RAB27B: variants seen among roughly 807,000 people sequenced by gnomAD.
The protein encoded by RAB27B is ras-related protein Rab-27B.
In RAB27B, 15 loss-of-function variants were observed where a neutral mutation model predicts 24.6. That is an observed-to-expected ratio of 0.61 (90% CI 0.41 to 0.94). The LOEUF (loss-of-function observed/expected upper bound fraction) is 0.94, where lower values mean the gene tolerates loss of function less well. Among genes scored for constraint, RAB27B ranks in the 40% least tolerant of loss-of-function variants. The pLI is 0.00. For synonymous variants in RAB27B, 105 were observed against 92.5 expected, an observed-to-expected ratio of 1.14 and a Z score of -0.78; for missense variants, 261 against 266.8, an observed-to-expected ratio of 0.98 and a Z score of 0.15.
At chr18:54,881,722 G>T (rs1202730582) in intron 3 of RAB27B, among the ~76,000 whole-genome samples, 1 of 152,138 alleles carries the variant, frequency 6.6e-6, no homozygotes, top group Non-Finnish European at 1.5e-5. Flanking sequence ...GTCTCCCCGT[G>T]GGGGAAATGG....
intron 2 of RAB27B, among the ~76,000 whole-genome samples, chr18:54,748,430 C>T: frequency 6.6e-6 from 1 of 152,112 alleles, no homozygotes; most frequent in Non-Finnish European, 1.5e-5. Flanking sequence ...CAACCATTTC[C>T]AAATGAATCA....
intron 2 of RAB27B, among the ~76,000 whole-genome samples, chr18:54,812,270 T>C (rs942164650): frequency 9.7e-5 from 14 of 143,820 alleles, no homozygotes; most frequent in African/African-American, 3.5e-4. Context: ...AGGATTTGAG[T>C]TTCCGGGTTC....
At chr18:54,825,961 G>T (rs941411727), upstream of RAB27B, among the ~76,000 whole-genome samples, 8 of 152,222 alleles carry the variant, frequency 5.3e-5, no homozygotes, top group Non-Finnish European at 1.2e-4. Context: ...CTGCAGGCAT[G>T]CAGTGTATAG....
In RAB27B at chr18:54,855,899, T is replaced by C. The variant is rs137878171; in HGVS notation, c.-19-21668T>C. Among the ~76,000 whole-genome samples the C allele has an allele frequency of 3.1e-3, 465 of 152,318 alleles. 2 individuals carry two copies. The highest frequency in any genetic ancestry group is 0.011 in the African/African-American group (442 of 41,552). ...ACACCCTGAAGTTCTCCAAGACCAG[T>C]CATCTTTATTATACAACCACACTGA... On this transcript the variant is annotated intron_variant, in intron 1 of 5. Coordinates refer to ENST00000262094, the MANE Select transcript of RAB27B (RefSeq NM_004163.4).
At chr18:54,718,971 A>C (rs1311366613) in intron 2 of RAB27B, among the ~76,000 whole-genome samples, 1 of 152,188 alleles carries the variant, frequency 6.6e-6, no homozygotes, top group Non-Finnish European at 1.5e-5. Flanking sequence ...CATTATGCCA[A>C]AATGTAATAG....
intron 3 of RAB27B, chr18:54,879,801 A>G: frequency 4.9e-6 from 1 of 202,446 alleles, no homozygotes; most frequent in East Asian, 1.1e-4. Flanking sequence ...GAGGGAGTTG[A>G]AGAAAGGGTG....
At chr18:54,775,415 A>C (rs141865987) in intron 2 of RAB27B, among the ~76,000 whole-genome samples, 2 of 152,224 alleles carry the variant, frequency 1.3e-5, no homozygotes, top group East Asian at 1.9e-4. Context: ...CATATTGCCA[A>C]GGAAAATGTG....
At chr18:54,743,528 T>C (rs896374237) in intron 2 of RAB27B, among the ~76,000 whole-genome samples, 1 of 152,054 alleles carries the variant, frequency 6.6e-6, no homozygotes, top group East Asian at 1.9e-4. Context: ...TTAGGCAGAG[T>C]CCTGAGATCA....
At chr18:54,744,419 C>A (rs1036870872) in intron 2 of RAB27B, among the ~76,000 whole-genome samples, 13 of 152,186 alleles carry the variant, frequency 8.5e-5, no homozygotes, top group Non-Finnish European at 1.6e-4. Flanking sequence ...CATTAGCAAT[C>A]TAGACCCAAC....
At position 54,888,039 on chromosome 18, in the gene RAB27B, T is replaced by G; in HGVS notation, c.388T>G (p.Leu130Val). 1.2e-6 allele frequency: 2 copies of G among 1,613,118 alleles called. No homozygotes were observed. The highest frequency in any genetic ancestry group is 1.7e-6 in the Non-Finnish European group (2 of 1,179,344). ...NAYCENPDIV[L>V]IGNKADLPDQ... The stretch of plus-strand genomic sequence containing the variant: ...TTATTGTGAAAATCCAGATATAGTA[T>G]TAATTGGCAACAAGGCAGACCTACC... The change falls in exon 5 of 6, where the codon TTA (leucine) becomes GTA (valine). Residue 130 changes from leucine (L) to valine (V), a missense_variant. Coordinates refer to ENST00000262094, the MANE Select transcript of RAB27B (RefSeq NM_004163.4).
intron 2 of RAB27B, among the ~76,000 whole-genome samples, chr18:54,742,797 T>C (rs1187002573): frequency 2.6e-5 from 4 of 152,204 alleles, no homozygotes; most frequent in Non-Finnish European, 4.4e-5. Context: ...TGCATAACAC[T>C]GTGCTTTCCT....
At chr18:54,755,272 C>T (rs1335988525) in intron 2 of RAB27B, among the ~76,000 whole-genome samples, 1 of 152,148 alleles carries the variant, frequency 6.6e-6, no homozygotes, top group Non-Finnish European at 1.5e-5. Flanking sequence ...CACCTGTAGT[C>T]TCAGCTACTT....
At chr18:54,728,888 AAAAAAAAAAAAACCC>A (rs1909631360) in intron 2 of RAB27B, among the ~76,000 whole-genome samples, 1 of 100,540 alleles carries the variant, frequency 9.9e-6, no homozygotes, top group East Asian at 2.6e-4. Context: ...AAAAAAAAAA[AAAAAAAAAAAAACCC>A]AAAAAAAAAA....
At chr18:54,837,869 G>A (rs1481032633) in intron 1 of RAB27B, among the ~76,000 whole-genome samples, 5 of 151,964 alleles carry the variant, frequency 3.3e-5, no homozygotes, top group Middle Eastern at 3.2e-3. Context: ...TTCTGTGGGG[G>A]CAATCACTAA....
intron 2 of RAB27B, among the ~76,000 whole-genome samples, chr18:54,784,649 C>CT (rs145041952): frequency 0.039 from 5,909 of 152,238 alleles, 188 homozygotes; most frequent in Admixed American, 0.081. Context: ...TGATTTTGTT[C>CT]TTTTTTTATG....
At chr18:54,853,677 T>G (rs1911672411) in intron 1 of RAB27B, among the ~76,000 whole-genome samples, 1 of 152,236 alleles carries the variant, frequency 6.6e-6, no homozygotes, top group African/African-American at 2.4e-5. Context: ...CAATCATGCA[T>G]GCTTTACATA....
chr18:54,768,780 G>A (rs1267295609), intron 2 of RAB27B, among the ~76,000 whole-genome samples: 3 of 152,034 alleles, frequency 2.0e-5, no homozygotes, highest in African/African-American at 4.8e-5. Context: ...TGAGTACAAC[G>A]GGGGAAATGA....
Position 54,868,257 on chromosome 18 carries a change from A to G in RAB27B, c.-19-9310A>G, listed in dbSNP as rs572286620. ...TCAGGAACCTTGGCTGTGTCATTTA[A>G]AAGTGTGTGGCACCTCCCCCCTCAC... is the stretch of plus-strand genomic sequence containing the variant. On this transcript the variant is annotated intron_variant, in intron 1 of 5. Coordinates refer to ENST00000262094, the MANE Select transcript of RAB27B (RefSeq NM_004163.4). Among the ~76,000 whole-genome samples, 199 of 152,204 alleles carry G rather than the reference A, an allele frequency of 1.3e-3. 1 individual carries two copies. Among genetic ancestry groups the G allele is most frequent in the African/African-American group, 4.6e-3 (190 of 41,532 alleles).
At chr18:54,879,560 C>T in intron 3 of RAB27B, 106 bp downstream of exon 3, 1 of 922,902 alleles carries the variant, frequency 1.1e-6, no homozygotes, top group Non-Finnish European at 1.8e-6. Context: ...CAACTCTTCT[C>T]CTGGTTTCAA....
Sources: allele counts gnomAD v4.1 joint callset (sites outside exome capture counted in the v4.1 genomes callset), GRCh38; gene constraint gnomAD v4.1.1; transcripts MANE v1.5; gene names NCBI Gene and HGNC (gene_info 2026-07-23, HGNC 2026-07-21).